The following NUGGC variants were observed in gnomAD, a reference collection of about 807,000 sequenced individuals.
NUGGC encodes nuclear GTPase, germinal center associated, also known as nuclear GTPase SLIP-GC.
A neutral mutation model predicts 92.6 loss-of-function variants in NUGGC; 58 were observed. The observed-to-expected ratio is 0.63, with a 90% CI of 0.51 to 0.78. The LOEUF (loss-of-function observed/expected upper bound fraction) is 0.78. Among genes scored for constraint, NUGGC ranks in the 30% least tolerant of loss-of-function variants. The probability of loss-of-function intolerance (pLI) is 0.00; values close to 1 mark genes in which losing one functional copy is unlikely to be tolerated. For missense variants in NUGGC, 925 were observed against 964.6 expected, an observed-to-expected ratio of 0.96 and a Z score of 0.54; for synonymous variants, 376 against 366.4, an observed-to-expected ratio of 1.03 and a Z score of -0.30.
Position 28,054,646 on chromosome 8 carries a change from C to T in NUGGC, c.1206+1319G>A, listed in dbSNP as rs117224433. On this transcript the variant is annotated intron_variant, in intron 10 of 18. Coordinates refer to ENST00000413272, the MANE Select transcript of NUGGC (RefSeq NM_001010906.2). ...CCTCTGAGCCTTTCCAAGCTACTTG[C>T]CTGTCATTCGCCAAACACAGCAGCC... Among the ~76,000 whole-genome samples the T allele has an allele frequency of 2.5e-3, 381 of 152,334 alleles. 2 individuals are homozygous for T. Among genetic ancestry groups the T allele is most frequent in the Non-Finnish European group, 4.5e-3 (309 of 68,032 alleles).
chr8:28,025,099 G>A (rs897043482), intron 18 of NUGGC, among the ~76,000 whole-genome samples: 3 of 152,196 alleles, frequency 2.0e-5, no homozygotes, highest in African/African-American at 7.2e-5. Flanking sequence ...CCATGAAGGT[G>A]GGGACTCTTG....
chr8:28,063,354 C>T (rs1265945746), intron 7 of NUGGC, among the ~76,000 whole-genome samples: 1 of 152,184 alleles, frequency 6.6e-6, no homozygotes, highest in East Asian at 1.9e-4. Context: ...GCTGCAGCCG[C>T]GGCTCCATCC....
At chr8:28,037,754 C>T (rs1402936852) in intron 13 of NUGGC, among the ~76,000 whole-genome samples, 4 of 152,174 alleles carry the variant, frequency 2.6e-5, no homozygotes, top group South Asian at 2.1e-4. Flanking sequence ...GTTCACTCTT[C>T]GGAAAGCAGG....
At chr8:28,055,497 A>G (rs1480247450) in intron 10 of NUGGC, among the ~76,000 whole-genome samples, 1 of 152,184 alleles carries the variant, frequency 6.6e-6, no homozygotes, top group African/African-American at 2.4e-5. Flanking sequence ...CCCTGCTTTA[A>G]AGATGAGAAA....
At chr8:28,060,816 T>C (rs1483990515) in intron 7 of NUGGC, among the ~76,000 whole-genome samples, 1 of 152,184 alleles carries the variant, frequency 6.6e-6, no homozygotes, top group Non-Finnish European at 1.5e-5. Context: ...CTAGCCCCCA[T>C]TTGTTCCTCA....
chr8:28,062,900 G>A (rs1357520543), intron 7 of NUGGC, among the ~76,000 whole-genome samples: 1 of 152,198 alleles, frequency 6.6e-6, no homozygotes, highest in Non-Finnish European at 1.5e-5. Flanking sequence ...TAGTGTCGCA[G>A]AAGATACAAA....
At chr8:28,069,069 A>C (rs549295909) in intron 4 of NUGGC, among the ~76,000 whole-genome samples, 40 of 152,308 alleles carry the variant, frequency 2.6e-4, no homozygotes, top group African/African-American at 9.1e-4. Flanking sequence ...GTATACAGAC[A>C]TGAAGTATTA....
At chr8:28,074,844 C>G (rs1028805418) in intron 1 of NUGGC, among the ~76,000 whole-genome samples, 2 of 152,122 alleles carry the variant, frequency 1.3e-5, no homozygotes, top group African/African-American at 4.8e-5. Context: ...GAGGCTGAGG[C>G]AGGAGAATCT....
chr8:28,060,547 C>G lies in NUGGC; in HGVS notation c.976G>C (p.Gly326Arg). 6.2e-7 allele frequency: 1 copy of G among 1,613,814 alleles called. No homozygotes were observed. The highest frequency in any genetic ancestry group is 8.5e-7 in the Non-Finnish European group (1 of 1,179,804). The change falls in exon 8 of 19, where the codon GGG becomes CGG. Residue 326 changes from glycine (G) to arginine (R), a missense_variant. By Grantham distance (125) the Gly-to-Arg change is moderately radical (BLOSUM62 -2). Coordinates refer to ENST00000413272, the MANE Select transcript of NUGGC (RefSeq NM_001010906.2). ...WVISDIERVS[G>R]GQAHEDLLNE... ...AGAAGGTCTTCGTGGGCTTGCCCCC[C>G]AGAAACTCGCTCTATGTCGCTGATC...
rs1465773076 is a variant in NUGGC, at chr8:28,069,803, A to G, written c.149-151T>C. 4 of 624,690 alleles carry G rather than the reference A, an allele frequency of 6.4e-6. No individual in the cohort carries two copies. The Admixed American group carries it at 7.9e-5, about 12-fold the overall frequency. 38.7% of individuals were successfully genotyped at this position (624,690 alleles called of 1,614,324 possible). A position where few individuals can be genotyped will look rare whatever the true frequency, so the allele number is the denominator to read the frequency against. On this transcript the variant is annotated intron_variant, in intron 3 of 18. Coordinates refer to ENST00000413272, the MANE Select transcript of NUGGC (RefSeq NM_001010906.2). ...ACAAGATAGCAGGTTATCTCACACG[A>G]GGGATGGCGGCTCACTGGAGATAGC...
intron 13 of NUGGC, among the ~76,000 whole-genome samples, chr8:28,040,760 C>T (rs1418311547): frequency 6.6e-6 from 1 of 152,080 alleles, no homozygotes; most frequent in Admixed American, 6.5e-5. Flanking sequence ...AATTCTCCTG[C>T]CTCAGCCTCC....
chr8:28,049,898 CA>C (rs1809945078), intron 10 of NUGGC, among the ~76,000 whole-genome samples: 1 of 152,010 alleles, frequency 6.6e-6, no homozygotes, highest in Non-Finnish European at 1.5e-5. Context: ...CCAGCCTAGC[CA>C]ACATGGTGAA....
At chr8:28,043,205 AATG>A (rs1809743593) in intron 12 of NUGGC, among the ~76,000 whole-genome samples, 1 of 152,268 alleles carries the variant, frequency 6.6e-6, no homozygotes, top group Admixed American at 6.5e-5. Flanking sequence ...TAAACAAAAG[AATG>A]ATAAGAAAGG....
Position 28,047,607 on chromosome 8 carries a change from T to C in NUGGC, c.1212A>G (p.Lys404=). ...TRILKEKLKR[K]LPADFKVLEA... ...CCAGAACCTTGAAGTCAGCTGGCAG[T>C]TTTCTCTGAAGTGAGAGAGTCACAC... The change falls in exon 11 of 19, where the codon AAA becomes AAG. Residue 404 remains lysine (K), a synonymous_variant. Transcript: ENST00000413272. 3 of 1,552,002 alleles carry C rather than the reference T, an allele frequency of 1.9e-6. No individual in the cohort carries two copies. Among genetic ancestry groups the C allele is most frequent in the Non-Finnish European group, 2.6e-6 (3 of 1,145,454 alleles).
chr8:28,031,358 G>C lies in NUGGC; in HGVS notation c.1793C>G (p.Ala598Gly), dbSNP rs1809413494. Residue 598 changes from alanine to glycine, a missense_variant, in exon 15 of 19, where the codon GCT becomes GGT. Coordinates refer to ENST00000413272, the MANE Select transcript of NUGGC (RefSeq NM_001010906.2). ...AAAAGCATCTATGTGAGGCATCAGAGCTGAACCAGTGGGCTTCCCCGTCCT... is the reference window on the plus strand; with the variant it reads ...AAAAGCATCTATGTGAGGCATCAGACCTGAACCAGTGGGCTTCCCCGTCCT... Reference protein sequence around the residue: ...IFRTGKPTGSALMPHIDAFKQ... With the variant: ...IFRTGKPTGSGLMPHIDAFKQ... 6.2e-7 allele frequency: 1 copy of C among 1,613,866 alleles called. No individual in the cohort carries two copies. Among genetic ancestry groups the C allele is most frequent in the Admixed American group, 1.7e-5 (1 of 60,010 alleles).
chr8:28,027,128 C>A (rs748196041), intron 17 of NUGGC, 76 bp from the exon 18 acceptor site: 8 of 1,161,374 alleles, frequency 6.9e-6, no homozygotes, highest in Non-Finnish European at 1.0e-5. Flanking sequence ...GGGACCCCAC[C>A]CAGTCCCCCA....
intron 7 of NUGGC, among the ~76,000 whole-genome samples, chr8:28,061,335 T>C (rs894148411): frequency 4.6e-5 from 7 of 152,358 alleles, no homozygotes; most frequent in African/African-American, 9.6e-5. Context: ...TTATTAAATA[T>C]GCAACTTTCA....
At position 28,067,524 on chromosome 8, in the gene NUGGC, T is replaced by C. The variant is rs1056190195; in HGVS notation, c.701A>G (p.Lys234Arg). 3 of 1,606,682 alleles carry C rather than the reference T, an allele frequency of 1.9e-6. No homozygotes were observed. Among genetic ancestry groups the C allele is most frequent in the Middle Eastern group, 1.6e-4 (1 of 6,076 alleles). Reference sequence around the variant, plus strand: ...CGAACTTGACGCTACCTCTTCCGCCTTGAGGGTGATGACTCTGGAGGTGGG... The same window carrying C: ...CGAACTTGACGCTACCTCTTCCGCCCTGAGGGTGATGACTCTGGAGGTGGG... Reference protein sequence around the residue: ...KIPTSRVITLKAEEAEELSIK... With the variant: ...KIPTSRVITLRAEEAEELSIK... The change falls in exon 6 of 19, where the codon AAG (lysine) becomes AGG (arginine). Residue 234 changes from lysine to arginine, a missense_variant. Coordinates refer to ENST00000413272, the MANE Select transcript of NUGGC (RefSeq NM_001010906.2).
intron 1 of NUGGC, among the ~76,000 whole-genome samples, chr8:28,076,031 G>A (rs1333470329): frequency 2.0e-5 from 3 of 152,116 alleles, no homozygotes; most frequent in Admixed American, 1.3e-4. Flanking sequence ...TCTGTGAAAC[G>A]GTGTCTGATT....
Sources: gnomAD v4.1 joint callset for allele counts (sites outside exome capture counted in the v4.1 genomes callset) on GRCh38, gnomAD v4.1.1 for gene constraint, MANE v1.5 for transcripts, NCBI Gene and HGNC (gene_info 2026-07-23, HGNC 2026-07-21) for gene names.